Variants in NYNRIN observed in about 807,000 individuals in gnomAD.
The protein encoded by NYNRIN is protein NYNRIN.
In NYNRIN, 86 loss-of-function variants were observed where a neutral mutation model predicts 146.6. The observed-to-expected ratio is 0.59, with a 90% CI of 0.49 to 0.70. The LOEUF (loss-of-function observed/expected upper bound fraction) is 0.70, where lower values mean the gene tolerates loss of function less well. NYNRIN is among the 30% of genes least tolerant of loss of function. The pLI, the probability that NYNRIN is intolerant of heterozygous loss-of-function variation, is 0.00. For synonymous variants in NYNRIN, 1,027 were observed against 1,001.3 expected, an observed-to-expected ratio of 1.03 and a Z score of -0.48; for missense variants, 2,191 against 2,377.7, an observed-to-expected ratio of 0.92 and a Z score of 1.63.
In NYNRIN at chr14:24,409,486, A is replaced by T; in HGVS notation, c.1692A>T (p.Pro564=). 6.2e-7 allele frequency: 1 copy of T among 1,613,804 alleles called. No homozygotes were observed. Among genetic ancestry groups the T allele is most frequent in the South Asian group, 1.1e-5 (1 of 91,058 alleles). ...AAAATCCCTCCAGAACTCAAGTGCCATCTGCAGCTCCCAAACTGCCTACAT... is the reference window on the plus strand; with the variant it reads ...AAAATCCCTCCAGAACTCAAGTGCCTTCTGCAGCTCCCAAACTGCCTACAT... ...KAENPSRTQV[P]SAAPKLPTSR... Residue 564 remains proline (P), a synonymous_variant, in exon 4 of 9, where the codon CCA becomes CCT. Coordinates refer to ENST00000382554, the MANE Select transcript of NYNRIN (RefSeq NM_025081.3).
Position 24,417,002 on chromosome 14 carries a change from C to G in NYNRIN, c.5253C>G (p.Ser1751=). Residue 1751 remains serine (S), a synonymous_variant, in exon 9 of 9, where the codon TCC becomes TCG. Coordinates refer to ENST00000382554, the MANE Select transcript of NYNRIN (RefSeq NM_025081.3). ...TGCTGCACCTGGCCTTCAGGGCCTC[C>G]TCCACTGATGCCACACCGTTCAAGG... is the stretch of plus-strand genomic sequence containing the variant. ...LPLLHLAFRA[S]STDATPFKVL... 1.9e-6 allele frequency: 3 copies of G among 1,591,666 alleles called. No homozygotes were observed. The highest frequency in any genetic ancestry group is 2.6e-6 in the Non-Finnish European group (3 of 1,167,312).
At chr14:24,407,386 T>TA (rs1391122847) in intron 2 of NYNRIN, among the ~76,000 whole-genome samples, 4 of 152,310 alleles carry the variant, frequency 2.6e-5, no homozygotes, top group African/African-American at 7.2e-5. Flanking sequence ...TGTTGTGTGA[T>TA]TAATAACTTG....
Position 24,417,294 on chromosome 14 carries a change from C to G in NYNRIN, c.5545C>G (p.Pro1849Ala). 6.2e-7 allele frequency: 1 copy of G among 1,613,908 alleles called. No individual in the cohort carries two copies. The highest frequency in any genetic ancestry group is 8.5e-7 in the Non-Finnish European group (1 of 1,179,818). The change falls in exon 9 of 9, where the codon CCC (proline) becomes GCC (alanine). Residue 1849 changes from proline to alanine, a missense_variant. Coordinates refer to ENST00000382554, the MANE Select transcript of NYNRIN (RefSeq NM_025081.3). ...RNGSSAKWVG[P>A]FYIGDRLSLS... ...TGGCAGCAGTGCCAAATGGGTGGGT[C>G]CCTTCTATATCGGGGACCGGCTGAG...
chr14:24,410,631 T>G (rs765006127), intron 4 of NYNRIN, among the ~76,000 whole-genome samples: 54 of 152,254 alleles, frequency 3.5e-4, no homozygotes, highest in South Asian at 8.3e-4. Context: ...CCTTAGCGAT[T>G]GCCCTTCCTC....
chr14:24,409,678 G>A lies in NYNRIN; in HGVS notation c.1884G>A (p.Gln628=). The part of the protein sequence containing the change: ...EPTTPKTPQA[Q]KMPVAKTSPA... ...CAACTCCAAAAACTCCCCAGGCTCA[G>A]AAGATGCCTGTAGCAAAAACATCAC... The change falls in exon 4 of 9, where the codon CAG becomes CAA. Residue 628 remains glutamine, a synonymous_variant. Transcript: ENST00000382554. The A allele has an allele frequency of 6.2e-7, 1 of 1,606,584 alleles. No individual in the cohort carries two copies. The highest frequency in any genetic ancestry group is 8.5e-7 in the Non-Finnish European group (1 of 1,176,442).
At chr14:24,403,172 G>A (rs1168846378) in intron 2 of NYNRIN, among the ~76,000 whole-genome samples, 2 of 152,226 alleles carry the variant, frequency 1.3e-5, no homozygotes, top group African/African-American at 4.8e-5. Context: ...AAGCACTGAA[G>A]TGTACTATGA....
At position 24,411,714 on chromosome 14, in the gene NYNRIN, A is replaced by G. The variant is rs2042914116; in HGVS notation, c.2642+264A>G. The stretch of plus-strand genomic sequence containing the variant: ...AGTCCGTCTGCCTTAGCTAACAGGC[A>G]TTCTTCCCCCATGACCTGTGAACAT... On this transcript the variant is annotated intron_variant, in intron 6 of 8. Transcript: ENST00000382554. This position sits in a 1 kb window ranked among gnomAD's most constrained non-coding sequence, Gnocchi z 4.3. Among the ~76,000 whole-genome samples the G allele has an allele frequency of 1.3e-5, 2 of 152,186 alleles. No individual in the cohort carries two copies. The highest frequency in any genetic ancestry group is 2.1e-4 in the South Asian group (1 of 4,832).
intron 2 of NYNRIN, among the ~76,000 whole-genome samples, chr14:24,402,661 C>T (rs532838413): frequency 6.6e-6 from 1 of 152,164 alleles, no homozygotes; most frequent in Non-Finnish European, 1.5e-5. Context: ...GGAGTATTTA[C>T]AGCCATGGTG....
In NYNRIN at chr14:24,416,870, C is replaced by T; in HGVS notation, c.5121C>T (p.Asp1707=). ...CCCAGGTGGCCTCCCTGAGTCGGGA[C>T]CTCCAGTTCCCCTGCCTGACGAGCT... is the stretch of plus-strand genomic sequence containing the variant. ...LGAQVASLSR[D]LQFPCLTSSG... is the part of the protein sequence containing the mutation. Residue 1707 remains aspartate, a synonymous_variant, in exon 9 of 9, where the codon GAC becomes GAT. Transcript: ENST00000382554. 4 of 1,607,796 alleles carry T rather than the reference C, an allele frequency of 2.5e-6. No individual in the cohort carries two copies. Among genetic ancestry groups the T allele is most frequent in the Non-Finnish European group, 3.4e-6 (4 of 1,176,366 alleles).
chr14:24,399,134 C>A, intron 1 of NYNRIN, 48 bp downstream of exon 1: 1 of 983,416 alleles, frequency 1.0e-6, no homozygotes, highest in Non-Finnish European at 1.5e-6. Context: ...GGGCGCGCCG[C>A]GGGGAGGAGG....
Position 24,409,150 on chromosome 14 carries a change from T to G in NYNRIN, c.1356T>G (p.Ile452Met). ...AALQNCPRPEISPKVTSLLVV... is the reference protein window; with the variant it reads ...AALQNCPRPEMSPKVTSLLVV... Reference sequence around the variant, plus strand: ...TGCAGAATTGCCCAAGGCCAGAGATTTCCCCAAAAGTTACGAGTTTATTGG... The same window carrying G: ...TGCAGAATTGCCCAAGGCCAGAGATGTCCCCAAAAGTTACGAGTTTATTGG... Residue 452 changes from isoleucine (I) to methionine (M), a missense_variant, in exon 4 of 9, where the codon ATT becomes ATG. Ile to Met is a conservative substitution (Grantham distance 10). Around this residue, in one of 3 missense-constraint regions of NYNRIN, gnomAD observed 895 missense variants for 941.2 expected, o/e 0.95. Coordinates refer to ENST00000382554, the MANE Select transcript of NYNRIN (RefSeq NM_025081.3). 1 of 1,613,926 alleles carries G rather than the reference T, an allele frequency of 6.2e-7. No individual in the cohort carries two copies. The highest frequency in any genetic ancestry group is 8.5e-7 in the Non-Finnish European group (1 of 1,179,876).
At chr14:24,402,059 G>A (rs759552147) in intron 2 of NYNRIN, among the ~76,000 whole-genome samples, 3 of 152,182 alleles carry the variant, frequency 2.0e-5, no homozygotes, top group Non-Finnish European at 4.4e-5. Context: ...AGGGTGGCTT[G>A]TTGGGGTCTG....
At chr14:24,400,096 T>G (rs1485804878) in intron 2 of NYNRIN, among the ~76,000 whole-genome samples, 4 of 152,092 alleles carry the variant, frequency 2.6e-5, no homozygotes, top group African/African-American at 9.7e-5. Context: ...CCCACACTCT[T>G]GATGCCACTC....
At position 24,414,590 on chromosome 14, in the gene NYNRIN, G is replaced by T. The variant is rs558695691; in HGVS notation, c.2847-6G>T. ...GCCCTTCCCTCTTCCATCTGTTTTGGTGTAGGTTGGACACTGACATTGGCA... is the reference window on the plus strand; with the variant it reads ...GCCCTTCCCTCTTCCATCTGTTTTGTTGTAGGTTGGACACTGACATTGGCA... On this transcript the variant is annotated splice_region_variant and splice_polypyrimidine_tract_variant and intron_variant, in intron 8 of 8. Transcript: ENST00000382554. 9 of 1,603,022 alleles carry T rather than the reference G, an allele frequency of 5.6e-6. No individual in the cohort carries two copies. Among genetic ancestry groups the T allele is most frequent in the African/African-American group, 1.3e-5 (1 of 74,698 alleles).
chr14:24,409,736 G>C lies in NYNRIN; in HGVS notation c.1942G>C (p.Gly648Arg). The C allele has an allele frequency of 6.2e-7, 1 of 1,605,314 alleles. No homozygotes were observed. The highest frequency in any genetic ancestry group is 8.5e-7 in the Non-Finnish European group (1 of 1,177,502). ...AGPKTPKAQA[G>R]PAATVSKAPA... ...TCCCAAAACACCCAAAGCTCAAGCCGGGCCTGCAGCTACAGTTTCCAAAGC... is the reference window on the plus strand; with the variant it reads ...TCCCAAAACACCCAAAGCTCAAGCCCGGCCTGCAGCTACAGTTTCCAAAGC... The change falls in exon 4 of 9, where the codon GGG (glycine) becomes CGG (arginine). Residue 648 changes from glycine to arginine, a missense_variant. Coordinates refer to ENST00000382554, the MANE Select transcript of NYNRIN (RefSeq NM_025081.3).
chr14:24,405,390 A>G (rs1004224874), intron 2 of NYNRIN, among the ~76,000 whole-genome samples: 4 of 152,200 alleles, frequency 2.6e-5, no homozygotes, highest in Admixed American at 2.6e-4. Flanking sequence ...ACCTGTGGGT[A>G]TTGGACAATA....
chr14:24,399,142 A>AG, intron 1 of NYNRIN, 56 bp downstream of exon 1: 1 of 1,034,270 alleles, frequency 9.7e-7, no homozygotes, highest in Non-Finnish European at 1.4e-6. Flanking sequence ...CGCGGGGAGG[A>AG]GGGGGCGTGG....
Position 24,411,015 on chromosome 14 carries a change from A to G in NYNRIN, c.2415-61A>G. 1 of 1,604,164 alleles carries G rather than the reference A, an allele frequency of 6.2e-7. No individual in the cohort carries two copies. The highest frequency in any genetic ancestry group is 8.5e-7 in the Non-Finnish European group (1 of 1,175,518). ...GCTGGCATTGCTTGCTTGCTGCCCC[A>G]GGGCTGGCTCTGAGGGAGGAGTGGT... On this transcript the variant is annotated intron_variant, in intron 4 of 8. Coordinates refer to ENST00000382554, the MANE Select transcript of NYNRIN (RefSeq NM_025081.3). This position sits in a 1 kb window ranked among gnomAD's most constrained non-coding sequence, Gnocchi z 4.3.
rs2042893249 is a variant in NYNRIN, at chr14:24,408,985, G to A, written c.1191G>A (p.Leu397=). The A allele has an allele frequency of 6.2e-7, 1 of 1,613,806 alleles. No homozygotes were observed. Among genetic ancestry groups the A allele is most frequent in the Non-Finnish European group, 8.5e-7 (1 of 1,179,842 alleles). ...ATTTCCCCTTCTGGCAGAGACCTCT[G>A]GGCCCCATTCAGTTGAAGCTGCCAG... is the stretch of plus-strand genomic sequence containing the variant. ...CFNFPFWQRP[L]GPIQLKLPGQ... Residue 397 remains leucine (L), a synonymous_variant, in exon 4 of 9, where the codon CTG becomes CTA. Coordinates refer to ENST00000382554, the MANE Select transcript of NYNRIN (RefSeq NM_025081.3).
Sources: gnomAD v4.1 joint callset for allele counts (sites outside exome capture counted in the v4.1 genomes callset) on GRCh38, gnomAD v4.1.1 for gene constraint, gnomAD v4.1.1 regional missense constraint, Gnocchi (gnomAD v3.1) non-coding constraint, MANE v1.5 for transcripts, NCBI Gene and HGNC (gene_info 2026-07-23, HGNC 2026-07-21) for gene names.